SLC24A2: variants seen among roughly 807,000 people sequenced by gnomAD.
SLC24A2 encodes solute carrier family 24 member 2.
SLC24A2 carries 36 observed loss-of-function variants against 62.0 expected under a neutral mutation model. That is an observed-to-expected ratio of 0.58 (90% CI 0.44 to 0.77). SLC24A2 has a LOEUF of 0.77. Ranked by LOEUF, SLC24A2 falls within the 30% of genes least tolerant of loss-of-function variation. The pLI is 0.00. For synonymous variants in SLC24A2, 358 were observed against 294.0 expected (o/e 1.22, Z -2.23); for missense variants, 846 against 817.9 (o/e 1.03, Z -0.42).
At chr9:20,081,620 A>T in the SLC24A2 span, among the ~76,000 whole-genome samples, 1 of 152,124 alleles carries the variant, frequency 6.6e-6, no homozygotes, top group Non-Finnish European at 1.5e-5. Context: ...CCTAAAATTT[A>T]AAGTATAATA....
At chr9:19,524,239 G>C (rs1454938355) in intron 9 of SLC24A2, among the ~76,000 whole-genome samples, 5 of 151,080 alleles carry the variant, frequency 3.3e-5, no homozygotes, top group African/African-American at 1.2e-4. Context: ...CTTGGTTTAA[G>C]GAGGATCTGA....
At chr9:20,070,035 TTTGAC>T in the SLC24A2 span, among the ~76,000 whole-genome samples, 1 of 152,236 alleles carries the variant, frequency 6.6e-6, no homozygotes, top group Non-Finnish European at 1.5e-5. Context: ...CAGGAAAATC[TTTGAC>T]TTATTTTTAT....
intron 2 of SLC24A2, among the ~76,000 whole-genome samples, chr9:19,728,469 T>G (rs997939053): frequency 1.3e-5 from 2 of 152,044 alleles, no homozygotes; most frequent in Non-Finnish European, 2.9e-5. Context: ...AGGTCGGTAA[T>G]GCAGTTTCAG....
the SLC24A2 span, among the ~76,000 whole-genome samples, chr9:19,994,001 T>C: frequency 2.0e-5 from 3 of 152,178 alleles, no homozygotes; most frequent in Admixed American, 2.0e-4. Context: ...AGCAGCCGTG[T>C]GTACTAGGAA....
intron 2 of SLC24A2, among the ~76,000 whole-genome samples, chr9:19,636,331 C>T (rs973332462): frequency 1.5e-4 from 3 of 19,570 alleles, no homozygotes; most frequent in African/African-American, 2.5e-4. Context: ...TTCTTTCTTT[C>T]TTTCTTTCTT....
the SLC24A2 span, among the ~76,000 whole-genome samples, chr9:19,984,121 G>A: frequency 3.3e-5 from 5 of 152,264 alleles, no homozygotes; most frequent in South Asian, 8.3e-4. Flanking sequence ...ATGTAACCCT[G>A]TTGTAAGTTG....
At chr9:19,824,260 T>C in the SLC24A2 span, among the ~76,000 whole-genome samples, 1 of 152,162 alleles carries the variant, frequency 6.6e-6, no homozygotes, top group Non-Finnish European at 1.5e-5. Flanking sequence ...GAGAAAATTG[T>C]TGCAATCTAT....
At chr9:19,636,315 T>TTTTCTTTTCCTTCC in intron 2 of SLC24A2, among the ~76,000 whole-genome samples, 9 of 40,328 alleles carry the variant, frequency 2.2e-4, no homozygotes, top group Admixed American at 5.4e-4. Flanking sequence ...TTTTCTTTTC[T>TTTTCTTTTCCTTCC]TTTCTTTCTT....
chr9:20,162,002 G>T, the SLC24A2 span, among the ~76,000 whole-genome samples: 12 of 151,840 alleles, frequency 7.9e-5, no homozygotes, highest in East Asian at 1.9e-3. Context: ...TCTATATGCA[G>T]ATGGATAACA....
At chr9:19,740,883 A>G (rs1340407837) in intron 2 of SLC24A2, among the ~76,000 whole-genome samples, 3 of 151,720 alleles carry the variant, frequency 2.0e-5, no homozygotes, top group Admixed American at 6.6e-5. Context: ...AAAAAAAAAA[A>G]AGAGAGAGAG....
At chr9:19,681,022 A>G (rs1292467566) in intron 2 of SLC24A2, among the ~76,000 whole-genome samples, 2 of 152,070 alleles carry the variant, frequency 1.3e-5, no homozygotes, top group Non-Finnish European at 1.5e-5. Flanking sequence ...CACAGCAGCC[A>G]GAGTGACCCT....
the SLC24A2 span, among the ~76,000 whole-genome samples, chr9:20,162,019 A>G: frequency 6.6e-6 from 1 of 151,756 alleles, no homozygotes; most frequent in Non-Finnish European, 1.5e-5. Flanking sequence ...AACAGTATAA[A>G]TGGTAAACTC....
the SLC24A2 span, among the ~76,000 whole-genome samples, chr9:20,015,672 C>T: frequency 2.1e-4 from 32 of 152,232 alleles, no homozygotes; most frequent in African/African-American, 6.5e-4. Context: ...GTGATTGCCT[C>T]GTTCCCCACC....
At chr9:20,307,233 G>A in the SLC24A2 span, among the ~76,000 whole-genome samples, 1 of 152,138 alleles carries the variant, frequency 6.6e-6, no homozygotes, top group South Asian at 2.1e-4. Flanking sequence ...ACAGCTGTTT[G>A]CCACCTCTTT....
At chr9:20,057,469 T>C in the SLC24A2 span, among the ~76,000 whole-genome samples, 3 of 152,192 alleles carry the variant, frequency 2.0e-5, no homozygotes, top group South Asian at 4.1e-4. Flanking sequence ...ATTTGTGAGA[T>C]GGCTGGTCAG....
chr9:19,923,223 G>A, the SLC24A2 span, among the ~76,000 whole-genome samples: 1 of 152,166 alleles, frequency 6.6e-6, no homozygotes, highest in African/African-American at 2.4e-5. Flanking sequence ...TCTGAAAGAT[G>A]TCCAAGGACA....
At position 19,513,171 on chromosome 9, in the gene SLC24A2, T is replaced by TATAC. The variant is rs1275761454; in HGVS notation, c.*2981_*2982insGTAT. ...GTATAAAGATATATATATATATATATATATGTATATATATATATATGTATA... is the reference window on the plus strand; with the variant it reads ...GTATAAAGATATATATATATATATATATACATATGTATATATATATATATGTATA... On this transcript the variant is annotated 3_prime_UTR_variant, in exon 11 of 11. Coordinates refer to ENST00000341998, the MANE Select transcript of SLC24A2 (RefSeq NM_020344.4). 1.7e-5 allele frequency: 1 copy of TATAC among 59,918 alleles called. No homozygotes were observed. Among genetic ancestry groups the TATAC allele is most frequent in the South Asian group, 5.4e-4 (1 of 1,858 alleles). The allele number at this position is 59,918 out of a possible 1,614,324, so 3.7% of individuals were successfully genotyped here.
chr9:19,871,281 C>T, the SLC24A2 span, among the ~76,000 whole-genome samples: 1 of 152,072 alleles, frequency 6.6e-6, no homozygotes, highest in African/African-American at 2.4e-5. Flanking sequence ...TTTCTTGCTG[C>T]TTTCAAGATT....
chr9:19,707,556 A>G (rs1324205808), intron 2 of SLC24A2, among the ~76,000 whole-genome samples: 2 of 152,232 alleles, frequency 1.3e-5, no homozygotes, highest in Non-Finnish European at 2.9e-5. Context: ...CTTATCCACC[A>G]TGATCAAGTG....
Sources: gnomAD v4.1 joint callset for allele counts (sites outside exome capture counted in the v4.1 genomes callset) on GRCh38, gnomAD v4.1.1 for gene constraint, MANE v1.5 for transcripts, NCBI Gene and HGNC (gene_info 2026-07-23, HGNC 2026-07-21) for gene names.